Variants in CEP128 observed in about 807,000 individuals in gnomAD.
CEP128 encodes the protein centrosomal protein 128kDa.
Under a neutral mutation model 156.7 loss-of-function variants are expected in CEP128, and 132 were observed. The ratio of observed to expected loss-of-function variants is 0.84; its 90% CI spans 0.73 to 0.97. The LOEUF (loss-of-function observed/expected upper bound fraction) is 0.97, where lower values mean the gene tolerates loss of function less well. CEP128 is among the 50% of genes least tolerant of loss of function. The pLI, the probability that CEP128 is intolerant of heterozygous loss-of-function variation, is 0.00. For synonymous variants in CEP128, 469 were observed against 448.9 expected, an observed-to-expected ratio of 1.04 and a Z score of -0.57; for missense variants, 1,252 against 1,281.9, an observed-to-expected ratio of 0.98 and a Z score of 0.36.
intron 19 of CEP128, among the ~76,000 whole-genome samples, chr14:80,698,883 A>T (rs1296348385): frequency 6.6e-6 from 1 of 152,206 alleles, no homozygotes; most frequent in Non-Finnish European, 1.5e-5. Context: ...AATAAGCTGA[A>T]ATCCTAATGT....
intron 2 of CEP128, among the ~76,000 whole-genome samples, chr14:80,936,593 A>G (rs1057428356): frequency 9.9e-5 from 15 of 152,238 alleles, no homozygotes; most frequent in South Asian, 2.1e-4. Context: ...ATAATTAGTG[A>G]TAACAAGATA....
At chr14:80,733,339 C>CGTGTGTGTGTGTGTGTGT (rs55964142) in intron 19 of CEP128, among the ~76,000 whole-genome samples, 104 of 140,240 alleles carry the variant, frequency 7.4e-4, no homozygotes, top group African/African-American at 2.7e-3. Flanking sequence ...CCACATGGGT[C>CGTGTGTGTGTGTGTGTGT]GTGTGTGTGT....
intron 13 of CEP128, among the ~76,000 whole-genome samples, chr14:80,796,472 A>T (rs1280809088): frequency 6.7e-6 from 1 of 150,128 alleles, no homozygotes; most frequent in African/African-American, 2.4e-5. Flanking sequence ...AAAAAAAAAA[A>T]TTTCCTTCAC....
At chr14:80,485,724 A>G (rs1887148105), downstream of CEP128, among the ~76,000 whole-genome samples, 1 of 152,222 alleles carries the variant, frequency 6.6e-6, no homozygotes, top group Non-Finnish European at 1.5e-5. Context: ...AAATGGATAG[A>G]TGATTGAATT....
chr14:80,518,517 C>A (rs1888596578), intron 23 of CEP128, among the ~76,000 whole-genome samples: 1 of 152,120 alleles, frequency 6.6e-6, no homozygotes, highest in African/African-American at 2.4e-5. Context: ...TCTTCTGTGT[C>A]TTTACTGACT....
intron 8 of CEP128, among the ~76,000 whole-genome samples, chr14:80,879,764 T>A (rs1314184100): frequency 6.6e-6 from 1 of 152,182 alleles, no homozygotes; most frequent in African/African-American, 2.4e-5. Context: ...GTTTACTTAA[T>A]GAAATAATTG....
chr14:80,581,964 T>C (rs1367184305), intron 19 of CEP128, among the ~76,000 whole-genome samples: 2 of 152,224 alleles, frequency 1.3e-5, no homozygotes, highest in Admixed American at 1.3e-4. Flanking sequence ...GAAGTAACTC[T>C]GTTTCAGTCC....
chr14:80,909,701 A>G (rs895439611), intron 4 of CEP128, among the ~76,000 whole-genome samples: 1 of 152,048 alleles, frequency 6.6e-6, no homozygotes, highest in Non-Finnish European at 1.5e-5. Context: ...AATGTAATAG[A>G]ATTAAAATCT....
At chr14:80,516,981 G>A (rs1888519142) in intron 23 of CEP128, among the ~76,000 whole-genome samples, 2 of 152,054 alleles carry the variant, frequency 1.3e-5, no homozygotes, top group Non-Finnish European at 2.9e-5. Context: ...GTTCAATTTG[G>A]TTTTCCTGAG....
intron 2 of CEP128, among the ~76,000 whole-genome samples, chr14:80,954,821 T>C (rs1313829782): frequency 2.6e-5 from 4 of 152,232 alleles, no homozygotes; most frequent in African/African-American, 7.2e-5. Context: ...AGGGGGAATA[T>C]GACTCAATGA....
intron 13 of CEP128, among the ~76,000 whole-genome samples, chr14:80,803,031 A>G (rs1386387144): frequency 6.6e-6 from 1 of 152,194 alleles, no homozygotes; most frequent in East Asian, 1.9e-4. Flanking sequence ...TTCTGAAGAC[A>G]ATACACGTTT....
chr14:80,689,287 T>A (rs1595222420), intron 19 of CEP128, among the ~76,000 whole-genome samples: 1 of 58,214 alleles, frequency 1.7e-5, no homozygotes, highest in Admixed American at 2.7e-4. Context: ...CGAGACTCCG[T>A]CTCAAAAAAA....
intron 19 of CEP128, among the ~76,000 whole-genome samples, chr14:80,649,799 T>C (rs1156257461): frequency 6.6e-6 from 1 of 152,196 alleles, no homozygotes; most frequent in Admixed American, 6.5e-5. Context: ...ACCAGTACCA[T>C]GCTGTTTTGG....
At chr14:80,741,429 G>T (rs555393341) in intron 19 of CEP128, among the ~76,000 whole-genome samples, 1 of 151,990 alleles carries the variant, frequency 6.6e-6, no homozygotes, top group Non-Finnish European at 1.5e-5. Flanking sequence ...CTTCTAAGAG[G>T]TTCCTGACAT....
intron 19 of CEP128, among the ~76,000 whole-genome samples, chr14:80,689,745 T>TA (rs1896654590): frequency 6.6e-6 from 1 of 152,168 alleles, no homozygotes; most frequent in Non-Finnish European, 1.5e-5. Flanking sequence ...ATAACAGGCT[T>TA]ATTACATTAG....
chr14:80,523,631 AT>A (rs1277517339), intron 23 of CEP128, among the ~76,000 whole-genome samples: 1 of 152,194 alleles, frequency 6.6e-6, no homozygotes, highest in East Asian at 1.9e-4. Flanking sequence ...AAAGGCAGAT[AT>A]TTTTGTTTCA....
intron 7 of CEP128, 76 bp from the exon 8 acceptor site, chr14:80,895,866 G>C (rs1189734378): frequency 1.0e-6 from 1 of 978,668 alleles, no homozygotes; most frequent in African/African-American, 1.7e-5. Context: ...TGTATAACAT[G>C]ATAATTATGT....
chr14:80,494,771 A>T (rs750997755), downstream of CEP128, among the ~76,000 whole-genome samples: 8 of 152,208 alleles, frequency 5.3e-5, no homozygotes, highest in Non-Finnish European at 1.2e-4. Flanking sequence ...TGCTGTATGC[A>T]TACTGTTTTA....
At chr14:80,650,954 C>T (rs1411413487) in intron 19 of CEP128, among the ~76,000 whole-genome samples, 19 of 152,014 alleles carry the variant, frequency 1.2e-4, no homozygotes, top group Admixed American at 6.6e-5. Context: ...GGGAGGAGTC[C>T]TTCTTTTTCT....
Sources: gnomAD v4.1 joint callset for allele counts (sites outside exome capture counted in the v4.1 genomes callset) on GRCh38, gnomAD v4.1.1 for gene constraint, MANE v1.5 for transcripts, NCBI Gene and HGNC (gene_info 2026-07-23, HGNC 2026-07-21) for gene names.